The following ARID4B variants were observed in gnomAD, a reference collection of about 807,000 sequenced individuals.
ARID4B encodes AT-rich interactive domain-containing protein 4B.
A neutral mutation model predicts 147.5 loss-of-function variants in ARID4B; 26 were observed. That is an observed-to-expected ratio of 0.18 (90% confidence interval 0.13 to 0.24). The LOEUF is 0.24. Among genes scored for constraint, ARID4B ranks in the 10% least tolerant of loss-of-function variants. ARID4B has a pLI of 1.00. For missense variants in ARID4B, 1,179 were observed against 1,511.5 expected (o/e 0.78, Z 3.65); for synonymous variants, 512 against 507.9 (o/e 1.01, Z -0.11).
intron 12 of ARID4B, among the ~76,000 whole-genome samples, chr1:235,224,050 A>G (rs1023518041): frequency 1.3e-5 from 2 of 152,174 alleles, no homozygotes; most frequent in African/African-American, 4.8e-5. Context: ...AACATGACAA[A>G]CAGAGTCAGT....
intron 2 of ARID4B, among the ~76,000 whole-genome samples, chr1:235,317,662 C>T (rs943625515): frequency 4.6e-5 from 7 of 151,978 alleles, no homozygotes; most frequent in Admixed American, 1.3e-4. Context: ...AATTTTAGAA[C>T]GAAAATTATG....
chr1:235,312,169 C>G (rs893275545), intron 2 of ARID4B, among the ~76,000 whole-genome samples: 1 of 152,040 alleles, frequency 6.6e-6, no homozygotes, highest in Admixed American at 6.6e-5. Flanking sequence ...ACCTGTAGTT[C>G]CAGCTACTCA....
At chr1:235,174,649 C>A (rs1488718112) in intron 22 of ARID4B, among the ~76,000 whole-genome samples, 1 of 149,674 alleles carries the variant, frequency 6.7e-6, no homozygotes, top group African/African-American at 2.5e-5. Context: ...AAAAATACAA[C>A]AACAACAAAA....
At chr1:235,315,468 G>C (rs574354051) in intron 2 of ARID4B, among the ~76,000 whole-genome samples, 1 of 152,322 alleles carries the variant, frequency 6.6e-6, no homozygotes, top group African/African-American at 2.4e-5. Flanking sequence ...CCAAGATATA[G>C]TGTAAGTAAT....
At chr1:235,188,134 G>C (rs189290429) in intron 19 of ARID4B, among the ~76,000 whole-genome samples, 57 of 151,958 alleles carry the variant, frequency 3.8e-4, no homozygotes, top group Admixed American at 1.1e-3. Flanking sequence ...TTGTATATGT[G>C]TTATATGTAT....
intron 17 of ARID4B, among the ~76,000 whole-genome samples, chr1:235,201,883 C>CA (rs1217300520): frequency 1.3e-5 from 2 of 151,272 alleles, no homozygotes; most frequent in Non-Finnish European, 2.9e-5. Flanking sequence ...GACTCTGTCT[C>CA]AAAAAAATAT....
chr1:235,283,510 C>G (rs761002035), intron 2 of ARID4B, among the ~76,000 whole-genome samples: 2 of 152,060 alleles, frequency 1.3e-5, no homozygotes, highest in Non-Finnish European at 2.9e-5. Flanking sequence ...TTTTTCCTAC[C>G]TGATTTTCTG....
intron 16 of ARID4B, among the ~76,000 whole-genome samples, chr1:235,219,169 A>G (rs1268816916): frequency 6.6e-6 from 1 of 152,068 alleles, no homozygotes; most frequent in Non-Finnish European, 1.5e-5. Flanking sequence ...CTGGCCTGCT[A>G]AATGATTTTT....
intron 2 of ARID4B, among the ~76,000 whole-genome samples, chr1:235,300,478 T>C (rs1165435318): frequency 6.6e-6 from 1 of 151,948 alleles, no homozygotes; most frequent in African/African-American, 2.4e-5. Context: ...CTCTATGCTC[T>C]ATAACTTTCT....
At chr1:235,285,101 C>T (rs548492751) in intron 2 of ARID4B, among the ~76,000 whole-genome samples, 25 of 152,170 alleles carry the variant, frequency 1.6e-4, no homozygotes, top group African/African-American at 6.0e-4. Context: ...AATTTATTTT[C>T]TGCAGAGACA....
intron 17 of ARID4B, among the ~76,000 whole-genome samples, chr1:235,210,146 G>C (rs556398904): frequency 6.6e-6 from 1 of 151,838 alleles, no homozygotes; most frequent in African/African-American, 2.4e-5. Context: ...AGGATCACTC[G>C]AGCCCAAGAA....
intron 2 of ARID4B, among the ~76,000 whole-genome samples, chr1:235,290,348 CAGG>C (rs1672256569): frequency 2.0e-5 from 3 of 150,958 alleles, no homozygotes; most frequent in South Asian, 2.1e-4. Flanking sequence ...GAGGCTGAGG[CAGG>C]AGAACTGCTT....
intron 2 of ARID4B, among the ~76,000 whole-genome samples, chr1:235,312,345 C>A (rs1368125125): frequency 6.6e-6 from 1 of 151,842 alleles, no homozygotes; most frequent in East Asian, 1.9e-4. Context: ...CATTTCAATA[C>A]AGTCAAACAT....
At chr1:235,308,482 G>GTCTCCC (rs1673744948) in intron 2 of ARID4B, among the ~76,000 whole-genome samples, 2 of 118,732 alleles carry the variant, frequency 1.7e-5, no homozygotes, top group African/African-American at 6.9e-5. Flanking sequence ...TCTCCCCACG[G>GTCTCCC]TCTCCCTCTC....
At chr1:235,227,494 T>A (rs897269385) in intron 11 of ARID4B, among the ~76,000 whole-genome samples, 1 of 152,208 alleles carries the variant, frequency 6.6e-6, no homozygotes, top group East Asian at 1.9e-4. Context: ...TTACTACAGT[T>A]AAAAGGCAGA....
Position 235,255,912 on chromosome 1 carries a change from G to A in ARID4B, c.184-162C>T, listed in dbSNP as rs191784620. Among the ~76,000 whole-genome samples, 7 of 152,128 alleles carry A rather than the reference G, an allele frequency of 4.6e-5. No homozygotes were observed. The East Asian group carries it at 1.2e-3, about 25-fold the overall frequency. The stretch of plus-strand genomic sequence containing the variant: ...AGTTGGCGTGAGCACAGTGGCTCAC[G>A]CCTGCAATCCCAGCACTTTGAGGGG... On this transcript the variant is annotated intron_variant, in intron 4 of 23. Coordinates refer to ENST00000264183, the MANE Select transcript of ARID4B (RefSeq NM_016374.6).
At chr1:235,281,150 G>A (rs1268540850) in intron 2 of ARID4B, among the ~76,000 whole-genome samples, 3 of 148,800 alleles carry the variant, frequency 2.0e-5, no homozygotes, top group Non-Finnish European at 4.4e-5. Context: ...GGTTGGGTGC[G>A]ATGGCTCAGC....
chr1:235,319,569 T>A (rs1012283152), intron 2 of ARID4B, among the ~76,000 whole-genome samples: 4 of 152,210 alleles, frequency 2.6e-5, no homozygotes, highest in Non-Finnish European at 5.9e-5. Context: ...TCATTTTTTT[T>A]AATTAAAAAA....
rs560173687 is a variant in ARID4B at position 235,196,807 on chromosome 1, G to C, written c.1842-692C>G. The stretch of plus-strand genomic sequence containing the variant: ...GCGGAGCTTGCAGTGAGCTGAGATC[G>C]CGCCACTGCACTCCAGCCTGGGCGA... On this transcript the variant is annotated intron_variant, in intron 17 of 23. Coordinates refer to ENST00000264183, the MANE Select transcript of ARID4B (RefSeq NM_016374.6). 2.8e-5 allele frequency among the ~76,000 whole-genome samples: 4 copies of C among 144,426 alleles called. No homozygotes were observed. The Admixed American group carries it at 2.9e-4, about 10-fold the overall frequency. 94.7% of individuals were successfully genotyped at this position (144,426 alleles called of 152,430 possible).
Sources: gnomAD v4.1 joint callset for allele counts (sites outside exome capture counted in the v4.1 genomes callset) on GRCh38, gnomAD v4.1.1 for gene constraint, MANE v1.5 for transcripts, NCBI Gene and HGNC (gene_info 2026-07-23, HGNC 2026-07-21) for gene names.